CLEC4E: variants seen among roughly 807,000 people sequenced by gnomAD.
CLEC4E encodes C-type (calcium dependent, carbohydrate-recognition domain) lectin, superfamily member 9.
CLEC4E carries 21 observed loss-of-function variants against 24.7 expected under a neutral mutation model. The ratio of observed to expected loss-of-function variants is 0.85; its 90% CI spans 0.60 to 1.22. The LOEUF (loss-of-function observed/expected upper bound fraction) is 1.22, where lower values mean the gene tolerates loss of function less well. CLEC4E is among the 50% of genes most tolerant of loss of function. The probability of loss-of-function intolerance (pLI) is 0.00; values close to 1 mark genes in which losing one functional copy is unlikely to be tolerated. For synonymous variants in CLEC4E, 94 were observed against 85.7 expected (o/e 1.10, Z -0.54); for missense variants, 249 against 254.1 (o/e 0.98, Z 0.14).
intron 1 of CLEC4E, among the ~76,000 whole-genome samples, chr12:8,540,498 G>A (rs1940684025): frequency 6.6e-6 from 1 of 151,906 alleles, no homozygotes; most frequent in Admixed American, 6.6e-5. Context: ...GACAAAGAGA[G>A]TTCCAGAGAA....
chr12:8,533,830 A>G lies in CLEC4E; in HGVS notation c.*808T>C, dbSNP rs1014831849. The G allele has an allele frequency of 1.3e-5, 2 of 152,220 alleles. No individual in the cohort carries two copies. The highest frequency in any genetic ancestry group is 2.9e-5 in the Non-Finnish European group (2 of 68,046). The allele number at this position is 152,220 out of a possible 1,614,324, so 9.4% of individuals were successfully genotyped here. ...CCTATATAAAAAGCCTTTAACATGT[A>G]CCCCCGAAAGCTAAAATAAAAGTTA... On this transcript the variant is annotated 3_prime_UTR_variant, in exon 6 of 6. Transcript: ENST00000299663.
rs950252087 is a variant in CLEC4E at position 8,534,120 on chromosome 12, G to A, written c.*518C>T. ...GCCAGAAAGGCCACACCGGTATTCT[G>A]AGCAGGAATAAGTTTCATGACTTGA... On this transcript the variant is annotated 3_prime_UTR_variant, in exon 6 of 6. Transcript: ENST00000299663. 1 of 152,468 alleles carries A rather than the reference G, an allele frequency of 6.6e-6. No individual in the cohort carries two copies. The highest frequency in any genetic ancestry group is 6.5e-5 in the Admixed American group (1 of 15,288). 9.4% of individuals were successfully genotyped at this position (152,468 alleles called of 1,614,324 possible).
intron 3 of CLEC4E, 23 bp from the exon 4 acceptor site, chr12:8,537,289 G>A: frequency 6.2e-7 from 1 of 1,608,202 alleles, no homozygotes; most frequent in Non-Finnish European, 8.5e-7. Context: ...ATGTTTCAGT[G>A]AGTGTCCCAG....
At position 8,540,845 on chromosome 12, in the gene CLEC4E, C is replaced by A; in HGVS notation, c.-48G>T. On this transcript the variant is annotated 5_prime_UTR_variant, in exon 1 of 6. Transcript: ENST00000299663. ...TGTTTCTCTCTCTCTCTTTTTCTCT[C>A]CCTCCCTCTCTTTCTTTCTCCTCAG... 8.5e-7 allele frequency: 1 copy of A among 1,177,406 alleles called. No homozygotes were observed. The highest frequency in any genetic ancestry group is 2.3e-5 in the East Asian group (1 of 42,854). The allele number at this position is 1,177,406 out of a possible 1,614,324, so 72.9% of individuals were successfully genotyped here.
chr12:8,537,302 G>A, intron 3 of CLEC4E, 36 bp from the exon 4 acceptor site: 1 of 1,588,288 alleles, frequency 6.3e-7, no homozygotes, highest in Non-Finnish European at 8.6e-7. Context: ...TGTCCCAGGT[G>A]AACCGAATAA....
At position 8,537,884 on chromosome 12, in the gene CLEC4E, C is replaced by G. The variant is rs575682607; in HGVS notation, c.221-618G>C. ...ATAATCCTCGCTCTATAATCATAGC[C>G]AAGGAAAAACCAGGCCGTACAGAGC... On this transcript the variant is annotated intron_variant, in intron 3 of 5. Coordinates refer to ENST00000299663, the MANE Select transcript of CLEC4E (RefSeq NM_014358.4). 1.2e-3 allele frequency among the ~76,000 whole-genome samples: 176 copies of G among 152,222 alleles called. 1 individual carries two copies. The highest frequency in any genetic ancestry group is 4.1e-3 in the African/African-American group (170 of 41,532).
intron 2 of CLEC4E, 118 bp downstream of exon 2, chr12:8,539,737 A>T (rs1940670793): frequency 1.5e-6 from 1 of 688,898 alleles, no homozygotes; most frequent in African/African-American, 1.8e-5. Flanking sequence ...TAGGGAAAAA[A>T]AAAAGGGTGA....
chr12:8,534,659 C>T lies in CLEC4E; in HGVS notation c.639G>A (p.Leu213=). 6.2e-7 allele frequency: 1 copy of T among 1,613,028 alleles called. No individual in the cohort carries two copies. Among genetic ancestry groups the T allele is most frequent in the Non-Finnish European group, 8.5e-7 (1 of 1,179,554 alleles). The part of the protein sequence containing the change: ...RICEMVGINP[L]NKGKSL ...GTTCTTAAAGAGATTTTCCTTTGTT[C>T]AAAGGATTTATTCCTACCATTTCAC... The change falls in exon 6 of 6, where the codon TTG becomes TTA. Residue 213 remains leucine, a synonymous_variant. Transcript: ENST00000299663.
At chr12:8,540,674 A>C in intron 1 of CLEC4E, 87 bp downstream of exon 1, 1 of 1,184,756 alleles carries the variant, frequency 8.4e-7, no homozygotes, top group African/African-American at 1.5e-5. Context: ...TTCAGTGAAT[A>C]CTTTTCTATT....
chr12:8,535,960 C>T lies in CLEC4E; in HGVS notation c.488+130G>A, dbSNP rs74059874. ...GAAAGGAGAGAAGTGGGTGCTTGTA[C>T]TTCTCCTTCATCTTTTCTACCTTAG... On this transcript the variant is annotated intron_variant, in intron 5 of 5. Coordinates refer to ENST00000299663, the MANE Select transcript of CLEC4E (RefSeq NM_014358.4). 3,226 of 517,916 alleles carry T rather than the reference C, an allele frequency of 6.2e-3. 110 individuals are homozygous for T. The highest frequency in any genetic ancestry group is 0.058 in the African/African-American group (2,909 of 50,164). The allele number at this position is 517,916 out of a possible 1,614,324, so 32.1% of individuals were successfully genotyped here.
chr12:8,539,907 AAC>A lies in CLEC4E; in HGVS notation c.76_77del (p.Val26CysfsTer27), dbSNP rs930658697. 1.2e-6 allele frequency: 2 copies of A among 1,612,424 alleles called. No homozygotes were observed. The highest frequency in any genetic ancestry group is 3.3e-5 in the Admixed American group (2 of 60,030). On this transcript the variant is annotated frameshift_variant, in exon 2 of 6. Coordinates refer to ENST00000299663, the MANE Select transcript of CLEC4E (RefSeq NM_014358.4). LOFTEE classifies it high-confidence loss of function. ...CFSSQMFLWT[V>X]AGIPILFLSA... ...TGAGAAATAGGATGGGGATCCCAGC[AAC>A]AGTCCATAAGAACATTTGGGAAGAG...
At position 8,534,508 on chromosome 12, in the gene CLEC4E, A is replaced by G; in HGVS notation, c.*130T>C. On this transcript the variant is annotated 3_prime_UTR_variant, in exon 6 of 6. Coordinates refer to ENST00000299663, the MANE Select transcript of CLEC4E (RefSeq NM_014358.4). Reference sequence around the variant, plus strand: ...ATAACATTTAAAACTACTTATTTTTATTTATATCAGAGTAACAAATACTTA... The same window carrying G: ...ATAACATTTAAAACTACTTATTTTTGTTTATATCAGAGTAACAAATACTTA... 5.0e-6 allele frequency: 3 copies of G among 599,392 alleles called. No individual in the cohort carries two copies. In the South Asian group the frequency reaches 8.0e-5, roughly 16 times the overall value. 37.1% of individuals were successfully genotyped at this position (599,392 alleles called of 1,614,324 possible). A position where few individuals can be genotyped will look rare whatever the true frequency, so the allele number is the denominator to read the frequency against.
At chr12:8,537,780 AT>A (rs1940634683) in intron 3 of CLEC4E, among the ~76,000 whole-genome samples, 1 of 152,250 alleles carries the variant, frequency 6.6e-6, no homozygotes, top group Non-Finnish European at 1.5e-5. Flanking sequence ...GTTATACCAG[AT>A]ATAGATCTTA....
At chr12:8,537,084 T>A (rs375866354) in intron 4 of CLEC4E, 31 bp downstream of exon 4, 4 of 1,595,812 alleles carry the variant, frequency 2.5e-6, no homozygotes, top group Non-Finnish European at 3.4e-6. Flanking sequence ...ATGTCGGGAA[T>A]GTTACATTGG....
intron 3 of CLEC4E, among the ~76,000 whole-genome samples, chr12:8,538,564 C>T (rs746541233): frequency 2.5e-4 from 38 of 152,298 alleles, no homozygotes; most frequent in Non-Finnish European, 4.6e-4. Context: ...CCGGTCTCCG[C>T]GCATTGGTGG....
At position 8,534,478 on chromosome 12, in the gene CLEC4E, G is replaced by T. The variant is rs969068498; in HGVS notation, c.*160C>A. The T allele has an allele frequency of 1.1e-5, 6 of 525,440 alleles. No homozygotes were observed. The highest frequency in any genetic ancestry group is 9.8e-5 in the African/African-American group (5 of 51,106). The allele number at this position is 525,440 out of a possible 1,614,324, so 32.5% of individuals were successfully genotyped here. On this transcript the variant is annotated 3_prime_UTR_variant, in exon 6 of 6. Transcript: ENST00000299663. Reference sequence around the variant, plus strand: ...GAAAATGCACTTCAGCCAGTAACATGAATTATAACATTTAAAACTACTTAT... The same window carrying T: ...GAAAATGCACTTCAGCCAGTAACATTAATTATAACATTTAAAACTACTTAT...
chr12:8,537,369 G>A, intron 3 of CLEC4E, 103 bp from the exon 4 acceptor site: 1 of 1,024,974 alleles, frequency 9.8e-7, no homozygotes, highest in East Asian at 2.5e-5. Flanking sequence ...AGAAGCCTTG[G>A]AATCACTTGT....
At position 8,536,218 on chromosome 12, in the gene CLEC4E, C is replaced by T. The variant is rs755924571; in HGVS notation, c.373-13G>A. ...AGGAAAGGAATTCCTATGGAAGATA[C>T]AAAATAAAAGGAGATCAGTTATTTT... On this transcript the variant is annotated splice_polypyrimidine_tract_variant and intron_variant, in intron 4 of 5. Transcript: ENST00000299663. 7.1e-6 allele frequency: 10 copies of T among 1,411,448 alleles called. No homozygotes were observed. The highest frequency in any genetic ancestry group is 1.2e-5 in the South Asian group (1 of 86,738). 87.4% of individuals were successfully genotyped at this position (1,411,448 alleles called of 1,614,324 possible). A position where few individuals can be genotyped will look rare whatever the true frequency, so the allele number is the denominator to read the frequency against.
intron 4 of CLEC4E, among the ~76,000 whole-genome samples, chr12:8,536,514 C>T (rs906746851): frequency 1.2e-4 from 18 of 152,010 alleles, no homozygotes; most frequent in Admixed American, 7.9e-4. Context: ...GCCGAGATTG[C>T]GCCACTGCAC....
Sources: allele counts gnomAD v4.1 joint callset (sites outside exome capture counted in the v4.1 genomes callset), GRCh38; gene constraint gnomAD v4.1.1; transcripts MANE v1.5; gene names NCBI Gene and HGNC (gene_info 2026-07-23, HGNC 2026-07-21).